Variants in CSNK1E observed in about 807,000 individuals in gnomAD.
The protein encoded by CSNK1E is casein kinase 1 epsilon.
Under a neutral mutation model 46.1 loss-of-function variants are expected in CSNK1E, and 17 were observed. The observed-to-expected ratio is 0.37, with a 90% CI of 0.25 to 0.55. CSNK1E has a LOEUF of 0.55. CSNK1E is among the 20% of genes least tolerant of loss of function. The pLI, the probability that CSNK1E is intolerant of heterozygous loss-of-function variation, is 0.82. For missense variants in CSNK1E, 386 were observed against 595.4 expected (o/e 0.65, Z 3.66); for synonymous variants, 241 against 242.6 (o/e 0.99, Z 0.06).
intron 1 of CSNK1E, among the ~76,000 whole-genome samples, chr22:38,315,487 G>A (rs957494468): frequency 7.2e-5 from 11 of 152,340 alleles, no homozygotes; most frequent in South Asian, 6.2e-4. Flanking sequence ...CTCAGCTGAG[G>A]TGCCACGCTG....
intron 1 of CSNK1E, among the ~76,000 whole-genome samples, chr22:38,315,632 G>C (rs1447330924): frequency 7.6e-6 from 1 of 131,568 alleles, no homozygotes; most frequent in Non-Finnish European, 1.6e-5. Context: ...CCTGTTGGGG[G>C]GTAAGGGGGG....
chr22:38,299,280 A>G (rs80207819), intron 6 of CSNK1E, among the ~76,000 whole-genome samples: 117 of 152,352 alleles, frequency 7.7e-4, no homozygotes, highest in Non-Finnish European at 1.1e-3. Flanking sequence ...CATAAATTCA[A>G]AGGACTGCAA....
chr22:38,296,522 G>T (rs763404653), intron 7 of CSNK1E: 33 of 1,599,646 alleles, frequency 2.1e-5, no homozygotes, highest in Non-Finnish European at 2.6e-5. Context: ...GGGGACTGCT[G>T]GAGGTGGTTC....
rs2092684113 is a variant in CSNK1E, at chr22:38,303,441, C to T, written c.77-193G>A. On this transcript the variant is annotated intron_variant, in intron 2 of 10. Transcript: ENST00000396832. This position sits in a 1 kb window ranked among gnomAD's most constrained non-coding sequence, Gnocchi z 4.7. ...GGTTCCTGAGGGGAAAGAAGGTCAGCGCTGTGAGGGACAGAGGTGACACAC... is the reference window on the plus strand; with the variant it reads ...GGTTCCTGAGGGGAAAGAAGGTCAGTGCTGTGAGGGACAGAGGTGACACAC... 1.3e-5 allele frequency among the ~76,000 whole-genome samples: 2 copies of T among 152,182 alleles called. No homozygotes were observed. The highest frequency in any genetic ancestry group is 2.9e-5 in the Non-Finnish European group (2 of 68,030).
chr22:38,311,619 A>C (rs2092721312), intron 2 of CSNK1E, among the ~76,000 whole-genome samples: 2 of 152,116 alleles, frequency 1.3e-5, no homozygotes, highest in African/African-American at 4.8e-5. Flanking sequence ...CAACAGCTTC[A>C]ATAATACGAG....
At chr22:38,291,982 T>C (rs1226568237) in intron 10 of CSNK1E, 44 bp from the exon 11 acceptor site, 2 of 147,924 alleles carry the variant, frequency 1.4e-5, no homozygotes, top group Admixed American at 1.4e-4. Flanking sequence ...CACAGCTGTC[T>C]CTGGCTACTT....
In CSNK1E at chr22:38,300,186, C is replaced by T. The variant is rs2092663585; in HGVS notation, c.566-121G>A. 4 of 852,808 alleles carry T rather than the reference C, an allele frequency of 4.7e-6. No individual in the cohort carries two copies. The highest frequency in any genetic ancestry group is 7.1e-6 in the Non-Finnish European group (4 of 560,704). The allele number at this position is 852,808 out of a possible 1,614,324, so 52.8% of individuals were successfully genotyped here. On this transcript the variant is annotated intron_variant, in intron 5 of 10. Transcript: ENST00000396832. The surrounding 1 kb of genome is among the most constrained non-coding windows in gnomAD (Gnocchi z 4.4). ...TCCTGCCCCCACGTCGGATGTTGCT[C>T]ACTGCACGCATTTTAAACAGGCACT...
rs1192229416 is a variant in CSNK1E, at chr22:38,294,929, GC to G, written c.886-396del. 6.6e-6 allele frequency among the ~76,000 whole-genome samples: 1 copy of G among 152,210 alleles called. No homozygotes were observed. The highest frequency in any genetic ancestry group is 1.5e-5 in the Non-Finnish European group (1 of 68,028). On this transcript the variant is annotated intron_variant, in intron 7 of 10. Coordinates refer to ENST00000396832, the MANE Select transcript of CSNK1E (RefSeq NM_152221.3). This position sits in a 1 kb window ranked among gnomAD's most constrained non-coding sequence, Gnocchi z 5.5. Reference sequence around the variant, plus strand: ...TAACTACTCAAGGTTGCTAAACCGAGCAGGAAAGCTGTTTAGAGGCCTCTAG... The same window carrying G: ...TAACTACTCAAGGTTGCTAAACCGAGAGGAAAGCTGTTTAGAGGCCTCTAG...
intron 1 of CSNK1E, among the ~76,000 whole-genome samples, chr22:38,315,838 G>A (rs2092742661): frequency 6.6e-6 from 1 of 152,074 alleles, no homozygotes; most frequent in Admixed American, 6.6e-5. Context: ...TAAATATACT[G>A]CACATGACCC....
chr22:38,303,155 T>C lies in CSNK1E; in HGVS notation c.170A>G (p.Lys57Arg). The part of the protein sequence containing the change: ...PQLHIESKFY[K>R]MMQGGVGIPS... ...GCGCTCACCGCCACCCTGCATCATC[T>C]TGTAGAACTTGCTCTCGATGTGCAG... The change falls in exon 3 of 11, where the codon AAG becomes AGG. Residue 57 changes from lysine to arginine, a missense_variant. Lys to Arg is a conservative substitution (Grantham distance 26, BLOSUM62 2). Transcript: ENST00000396832. The surrounding 1 kb of genome is among the most constrained non-coding windows in gnomAD (Gnocchi z 4.7). The C allele has an allele frequency of 6.2e-7, 1 of 1,605,798 alleles. No individual in the cohort carries two copies. The highest frequency in any genetic ancestry group is 8.5e-7 in the Non-Finnish European group (1 of 1,176,794).
rs2092662147 is a variant in CSNK1E at position 38,299,936 on chromosome 22, T to A, written c.695A>T (p.Lys232Met). 1 of 1,614,084 alleles carries A rather than the reference T, an allele frequency of 6.2e-7. No individual in the cohort carries two copies. The highest frequency in any genetic ancestry group is 8.5e-7 in the Non-Finnish European group (1 of 1,180,030). The change falls in exon 6 of 11, where the codon AAG becomes ATG. Residue 232 changes from lysine to methionine, a missense_variant. Around this residue, in one of 2 missense-constraint regions of CSNK1E, gnomAD observed 212 missense variants for 410.2 expected, o/e 0.52. Transcript: ENST00000396832. ...RQKYERISEK[K>M]MSTPIEVLCK... ...GAGGACCTCGATGGGCGTTGACATC[T>A]TCTTCTCGCTGATCCGTTCATACTT...
At chr22:38,292,556 CCA>C (rs2092616893) in intron 10 of CSNK1E, 1 of 152,350 alleles carries the variant, frequency 6.6e-6, no homozygotes, top group Admixed American at 6.5e-5. Flanking sequence ...ACAAAACAGA[CCA>C]CACACAGATT....
chr22:38,305,408 C>T (rs1346903859), intron 2 of CSNK1E, among the ~76,000 whole-genome samples: 1 of 149,074 alleles, frequency 6.7e-6, no homozygotes, highest in Non-Finnish European at 1.5e-5. Context: ...ATTTTTATCC[C>T]TGATTCAAAA....
chr22:38,294,036 C>T lies in CSNK1E; in HGVS notation c.1218+73G>A, dbSNP rs2092625922. ...CGATGGAAAGGGAAGAACAGAGCCA[C>T]GGCCTGACCTCCCACTGGGGGGTCT... On this transcript the variant is annotated intron_variant, in intron 9 of 10. Coordinates refer to ENST00000396832, the MANE Select transcript of CSNK1E (RefSeq NM_152221.3). The surrounding 1 kb of genome is among the most constrained non-coding windows in gnomAD (Gnocchi z 5.5). 2.8e-5 allele frequency: 43 copies of T among 1,526,398 alleles called. No homozygotes were observed. Among genetic ancestry groups the T allele is most frequent in the South Asian group, 3.5e-5 (3 of 84,692 alleles). 94.6% of individuals were successfully genotyped at this position (1,526,398 alleles called of 1,614,324 possible).
chr22:38,306,729 CAAA>C (rs135754), intron 2 of CSNK1E, among the ~76,000 whole-genome samples: 21,786 of 146,526 alleles, frequency 0.15, 1,698 homozygotes, highest in Admixed American at 0.22. Flanking sequence ...GACTCCATCT[CAAA>C]AAAAAAAAAA....
At chr22:38,313,895 T>G (rs1010086657) in intron 2 of CSNK1E, among the ~76,000 whole-genome samples, 187 bp downstream of exon 2, 2 of 152,228 alleles carry the variant, frequency 1.3e-5, no homozygotes, top group Non-Finnish European at 2.9e-5. Flanking sequence ...CAGCCTGGCC[T>G]GCGAGAGGAG....
At chr22:38,296,966 G>A (rs957075806) in intron 7 of CSNK1E, 1 of 616,962 alleles carries the variant, frequency 1.6e-6, no homozygotes, top group Non-Finnish European at 2.9e-6. Context: ...GTAGAAATGG[G>A]TTTCACCATG....
chr22:38,297,515 G>A (rs1238496568), intron 7 of CSNK1E: 4 of 986,564 alleles, frequency 4.1e-6, no homozygotes, highest in Admixed American at 5.4e-5. Flanking sequence ...CCAATGTGCC[G>A]ACCTTGGCTT....
chr22:38,311,939 G>C (rs1460602619), intron 2 of CSNK1E, among the ~76,000 whole-genome samples: 2 of 151,828 alleles, frequency 1.3e-5, no homozygotes, highest in East Asian at 3.9e-4. Flanking sequence ...AGAGTACCTG[G>C]GATACAGGCA....
Sources: allele counts gnomAD v4.1 joint callset (sites outside exome capture counted in the v4.1 genomes callset), GRCh38; gene constraint gnomAD v4.1.1; regional missense constraint gnomAD v4.1.1; non-coding constraint Gnocchi (gnomAD v3.1); transcripts MANE v1.5; gene names NCBI Gene and HGNC (gene_info 2026-07-23, HGNC 2026-07-21).